The following NEK11 variants were observed in gnomAD, a reference collection of about 807,000 sequenced individuals.
NEK11 encodes the protein serine/threonine-protein kinase Nek11.
NEK11 carries 72 observed loss-of-function variants against 80.7 expected under a neutral mutation model. The observed-to-expected ratio is 0.89, with a 90% CI of 0.74 to 1.08. The LOEUF is 1.08. NEK11 is among the 50% of genes least tolerant of loss of function. The pLI, the probability that NEK11 is intolerant of heterozygous loss-of-function variation, is 0.00. For synonymous variants in NEK11, 251 were observed against 260.7 expected, an observed-to-expected ratio of 0.96 and a Z score of 0.36; for missense variants, 764 against 763.6, an observed-to-expected ratio of 1.00 and a Z score of -0.01.
chr3:131,245,744 T>A (rs2095591865), intron 16 of NEK11, among the ~76,000 whole-genome samples: 2 of 152,142 alleles, frequency 1.3e-5, no homozygotes, highest in African/African-American at 2.4e-5. Flanking sequence ...TCTTCTTCTT[T>A]TGAAAAATGT....
At chr3:131,196,748 G>T (rs1007511843) in intron 14 of NEK11, among the ~76,000 whole-genome samples, 2 of 151,972 alleles carry the variant, frequency 1.3e-5, no homozygotes, top group Non-Finnish European at 2.9e-5. Context: ...GGCCAGGCTG[G>T]TCTCGAACTC....
chr3:131,234,325 G>A (rs1297060086), intron 15 of NEK11, among the ~76,000 whole-genome samples: 1 of 152,104 alleles, frequency 6.6e-6, no homozygotes, highest in Non-Finnish European at 1.5e-5. Context: ...GGACTTATTT[G>A]CCTGTTATTT....
chr3:131,194,265 C>T (rs564775094), intron 14 of NEK11, among the ~76,000 whole-genome samples: 41 of 151,912 alleles, frequency 2.7e-4, no homozygotes, highest in Non-Finnish European at 5.0e-4. Flanking sequence ...TATTTTTAGT[C>T]GAATAGCTTA....
At chr3:131,209,416 A>C (rs544305717) in intron 14 of NEK11, among the ~76,000 whole-genome samples, 1 of 152,328 alleles carries the variant, frequency 6.6e-6, no homozygotes, top group African/African-American at 2.4e-5. Context: ...GATGTTCATC[A>C]GGAATATTGG....
At chr3:131,096,970 G>A (rs1280566492) in intron 4 of NEK11, among the ~76,000 whole-genome samples, 2 of 146,034 alleles carry the variant, frequency 1.4e-5, no homozygotes, top group African/African-American at 2.6e-5. Flanking sequence ...CCACCTATGA[G>A]TGAGAACATG....
At chr3:131,204,705 G>A (rs1004799469) in intron 14 of NEK11, among the ~76,000 whole-genome samples, 1 of 151,726 alleles carries the variant, frequency 6.6e-6, no homozygotes, top group Non-Finnish European at 1.5e-5. Flanking sequence ...CAATGCAAAT[G>A]TACAACACAT....
chr3:131,241,724 T>A (rs1459114988), intron 15 of NEK11, among the ~76,000 whole-genome samples: 1 of 152,092 alleles, frequency 6.6e-6, no homozygotes, highest in Non-Finnish European at 1.5e-5. Context: ...TAGACACACA[T>A]ACCGTACATA....
chr3:131,112,061 C>G (rs2080222924), intron 5 of NEK11, among the ~76,000 whole-genome samples: 1 of 152,050 alleles, frequency 6.6e-6, no homozygotes, highest in Non-Finnish European at 1.5e-5. Context: ...ATAGCTATGA[C>G]CCAGTAATTC....
chr3:131,312,182 A>G (rs527877526), intron 17 of NEK11, among the ~76,000 whole-genome samples: 22 of 152,274 alleles, frequency 1.4e-4, no homozygotes, highest in African/African-American at 5.1e-4. Flanking sequence ...TAAGTCAGGG[A>G]GACTTGGACT....
intron 17 of NEK11, among the ~76,000 whole-genome samples, chr3:131,318,660 C>T (rs978498002): frequency 6.6e-6 from 1 of 151,196 alleles, no homozygotes; most frequent in Non-Finnish European, 1.5e-5. Flanking sequence ...ATATTGTTAA[C>T]CGAGAAAAGG....
At chr3:131,043,132 G>T (rs1444765411) in intron 3 of NEK11, among the ~76,000 whole-genome samples, 2 of 152,176 alleles carry the variant, frequency 1.3e-5, no homozygotes, top group Non-Finnish European at 2.9e-5. Flanking sequence ...AAGAACAAAG[G>T]TAGGTAAATC....
intron 17 of NEK11, among the ~76,000 whole-genome samples, chr3:131,291,816 A>G (rs1007105173): frequency 6.6e-6 from 1 of 152,242 alleles, no homozygotes; most frequent in South Asian, 2.1e-4. Context: ...TTGAGTTTTA[A>G]GAGTTCTTTG....
chr3:131,332,334 G>A (rs965709714), intron 17 of NEK11, among the ~76,000 whole-genome samples: 91 of 152,316 alleles, frequency 6.0e-4, no homozygotes, highest in African/African-American at 2.0e-3. Flanking sequence ...TGCAGCCACC[G>A]CTGCTGTTAC....
intron 17 of NEK11, among the ~76,000 whole-genome samples, chr3:131,284,690 A>G (rs1335068408): frequency 1.3e-5 from 2 of 152,228 alleles, no homozygotes; most frequent in Admixed American, 6.5e-5. Context: ...AGCAGGCAGA[A>G]GAACGTGGAA....
intron 3 of NEK11, among the ~76,000 whole-genome samples, chr3:131,051,472 A>C (rs970028322): frequency 6.6e-6 from 1 of 152,212 alleles, no homozygotes; most frequent in Non-Finnish European, 1.5e-5. Context: ...AGTACTTTTT[A>C]GTGGAGATTC....
intron 16 of NEK11, among the ~76,000 whole-genome samples, chr3:131,270,593 T>C (rs1160870246): frequency 6.6e-6 from 1 of 152,252 alleles, no homozygotes; most frequent in African/African-American, 2.4e-5. Context: ...CTATTCATGT[T>C]GGAAGATGGG....
chr3:131,308,391 G>T (rs1198902501), intron 17 of NEK11, among the ~76,000 whole-genome samples: 1 of 152,180 alleles, frequency 6.6e-6, no homozygotes, highest in Non-Finnish European at 1.5e-5. Flanking sequence ...AGGATTTGTT[G>T]TGTGTAATCA....
At chr3:131,273,907 A>G (rs548835781) in intron 17 of NEK11, among the ~76,000 whole-genome samples, 2 of 152,178 alleles carry the variant, frequency 1.3e-5, no homozygotes, top group East Asian at 1.9e-4. Context: ...AGCTGTTACT[A>G]TGTTTATATA....
At chr3:131,314,876 G>T (rs2096820728) in intron 17 of NEK11, among the ~76,000 whole-genome samples, 1 of 152,084 alleles carries the variant, frequency 6.6e-6, no homozygotes, top group Admixed American at 6.6e-5. Context: ...GCCAAATATA[G>T]CAGACAAACA....
Sources: allele counts gnomAD v4.1 joint callset (sites outside exome capture counted in the v4.1 genomes callset), GRCh38; gene constraint gnomAD v4.1.1; transcripts MANE v1.5; gene names NCBI Gene and HGNC (gene_info 2026-07-23, HGNC 2026-07-21).